The following PMPCB variants were observed in gnomAD, a reference collection of about 807,000 sequenced individuals.
The protein encoded by PMPCB is mitochondrial-processing peptidase subunit beta.
Under a neutral mutation model 61.5 loss-of-function variants are expected in PMPCB, and 46 were observed. That is an observed-to-expected ratio of 0.75 (90% CI 0.59 to 0.96). The LOEUF (loss-of-function observed/expected upper bound fraction) is 0.96, where lower values mean the gene tolerates loss of function less well. Among genes scored for constraint, PMPCB ranks in the 40% least tolerant of loss-of-function variants. The probability of loss-of-function intolerance (pLI) is 0.00; values close to 1 mark genes in which losing one functional copy is unlikely to be tolerated. For missense variants in PMPCB, 590 were observed against 602.4 expected (o/e 0.98, Z 0.22); for synonymous variants, 191 against 201.6 (o/e 0.95, Z 0.44).
downstream of PMPCB, chr7:103,329,539 T>C (rs1237768341): frequency 1.3e-5 from 2 of 152,268 alleles, no homozygotes; most frequent in African/African-American, 4.8e-5. Context: ...ACAATAGTTC[T>C]AGTTTCATTA....
At chr7:103,330,490 T>C (rs533381971), downstream of PMPCB, among the ~76,000 whole-genome samples, 141 of 152,186 alleles carry the variant, frequency 9.3e-4, 3 homozygotes, top group Admixed American at 9.2e-3. Flanking sequence ...TTTGCTCTTG[T>C]TGCCCAGGCT....
At chr7:103,307,056 G>A (rs1470806100) in intron 6 of PMPCB, among the ~76,000 whole-genome samples, 1 of 151,904 alleles carries the variant, frequency 6.6e-6, no homozygotes, top group Non-Finnish European at 1.5e-5. Flanking sequence ...ATGGCACCCG[G>A]CTTTTAAAAT....
chr7:103,328,761 C>A (rs1394047709), intron 12 of PMPCB, among the ~76,000 whole-genome samples: 2 of 152,168 alleles, frequency 1.3e-5, no homozygotes. Context: ...TCAAATTTTT[C>A]TTTCAAATGA....
intron 8 of PMPCB, 104 bp from the exon 9 acceptor site, chr7:103,310,211 A>C: frequency 1.2e-6 from 1 of 803,856 alleles, no homozygotes; most frequent in Non-Finnish European, 2.0e-6. Flanking sequence ...AAAACTAGGA[A>C]ACAGCCTCTA....
chr7:103,328,417 G>A (rs1475929665), intron 12 of PMPCB, among the ~76,000 whole-genome samples: 1 of 151,966 alleles, frequency 6.6e-6, no homozygotes, highest in Non-Finnish European at 1.5e-5. Context: ...GATCACTTGA[G>A]GTCAGGAGTT....
the PMPCB span, among the ~76,000 whole-genome samples, chr7:103,338,142 C>T: frequency 6.6e-6 from 1 of 151,538 alleles, no homozygotes; most frequent in Non-Finnish European, 1.5e-5. Context: ...TGGTGGTGTG[C>T]ACCTGTAGTT....
chr7:103,317,400 G>A (rs146469862), downstream of PMPCB: 73 of 169,800 alleles, frequency 4.3e-4, no homozygotes, highest in African/African-American at 1.7e-3. Context: ...AAAAGGTGAA[G>A]GCATAGCAAA....
the PMPCB span, among the ~76,000 whole-genome samples, chr7:103,339,985 T>C: frequency 6.6e-6 from 1 of 152,168 alleles, no homozygotes; most frequent in African/African-American, 2.4e-5. Context: ...ATTACAGGCA[T>C]GTGCCACCAC....
the PMPCB span, among the ~76,000 whole-genome samples, chr7:103,342,964 C>G: frequency 2.0e-5 from 3 of 151,744 alleles, no homozygotes; most frequent in African/African-American, 7.3e-5. Flanking sequence ...GAAGAGCTAG[C>G]CTCACCAAAA....
At chr7:103,309,143 T>G in intron 8 of PMPCB, 48 bp downstream of exon 8, 1 of 1,464,262 alleles carries the variant, frequency 6.8e-7, no homozygotes, top group East Asian at 2.4e-5. Context: ...AAGATTATCA[T>G]GTTTTCTTAA....
In PMPCB at chr7:103,322,430, TAAA is replaced by T. The variant is rs374674418; in HGVS notation, c.*1432-6496_*1432-6494del. 3.0e-4 allele frequency: 382 copies of T among 1,293,806 alleles called. 2 individuals are homozygous for T. In the East Asian group the frequency reaches 7.6e-3, roughly 26 times the overall value. The allele number at this position is 1,293,806 out of a possible 1,614,324, so 80.1% of individuals were successfully genotyped here. ...TCTGCTTTCGAATTATAGTTTTTTTTAAAAAAAGATGTGAAGATTAAAGTGAAG... is the reference window on the plus strand; with the variant it reads ...TCTGCTTTCGAATTATAGTTTTTTTTAAAAGATGTGAAGATTAAAGTGAAG... On this transcript the variant is annotated intron_variant and NMD_transcript_variant, in intron 12 of 12. Coordinates refer to the PMPCB transcript ENST00000444457.
downstream of PMPCB, chr7:103,316,334 C>A: frequency 3.1e-6 from 1 of 320,390 alleles, no homozygotes. Context: ...GTGTACAAAT[C>A]AACATAAATA....
chr7:103,331,946 G>GA (rs1414511761), downstream of PMPCB, among the ~76,000 whole-genome samples: 2 of 151,820 alleles, frequency 1.3e-5, no homozygotes, highest in Non-Finnish European at 2.9e-5. Flanking sequence ...TTTGCACAGT[G>GA]GCTATGCTAA....
In PMPCB at chr7:103,298,616, C is replaced by A; in HGVS notation, c.148C>A (p.Gln50Lys). 1.2e-6 allele frequency: 2 copies of A among 1,613,860 alleles called. No individual in the cohort carries two copies. The highest frequency in any genetic ancestry group is 1.7e-6 in the Non-Finnish European group (2 of 1,179,760). ...NRLRSTQAAT[Q>K]VVLNVPETRV... ...ATTAAGAAGTACACAGGCTGCTACC[C>A]AAGTTGTTCTGAATGTTCCTGAAAC... Residue 50 changes from glutamine to lysine, a missense_variant, in exon 2 of 13, where the codon CAA (glutamine) becomes AAA (lysine). By Grantham distance (53) the Gln-to-Lys change is moderately conservative. Coordinates refer to ENST00000249269, the MANE Select transcript of PMPCB (RefSeq NM_004279.3).
chr7:103,336,952 C>CAT, the PMPCB span: 1 of 152,236 alleles, frequency 6.6e-6, no homozygotes, highest in African/African-American at 2.4e-5. Flanking sequence ...TCTTCCTCCA[C>CAT]ATATAATACT....
chr7:103,344,563 G>C, the PMPCB span: 1 of 1,613,750 alleles, frequency 6.2e-7, no homozygotes, highest in Middle Eastern at 1.7e-4. Flanking sequence ...ACTTACCAGA[G>C]GTCAGAGCGT....
Position 103,297,445 on chromosome 7 carries a change from T to G in PMPCB, c.-15T>G. ...GGAAGCACATCCTTCATCCTCTACC[T>G]TCCTTCTAGCAGAAATGGCGGCTGC... On this transcript the variant is annotated 5_prime_UTR_variant, in exon 1 of 13. Transcript: ENST00000249269. 1.3e-6 allele frequency: 2 copies of G among 1,541,350 alleles called. No homozygotes were observed. The highest frequency in any genetic ancestry group is 2.3e-5 in the East Asian group (1 of 43,820).
exon 13 of PMPCB, chr7:103,329,140 T>C: frequency 2.7e-6 from 1 of 374,768 alleles, no homozygotes; most frequent in Non-Finnish European, 4.8e-6. Context: ...TGTCTCAGTT[T>C]TTCTTCTGAC....
At chr7:103,328,334 A>G (rs1818816350) in intron 12 of PMPCB, among the ~76,000 whole-genome samples, 1 of 152,106 alleles carries the variant, frequency 6.6e-6, no homozygotes, top group Non-Finnish European at 1.5e-5. Context: ...ATATGCTTTA[A>G]AAAATTCAGG....
Sources: gnomAD v4.1 joint callset for allele counts (sites outside exome capture counted in the v4.1 genomes callset) on GRCh38, gnomAD v4.1.1 for gene constraint, MANE v1.5 for transcripts, NCBI Gene and HGNC (gene_info 2026-07-23, HGNC 2026-07-21) for gene names.